Variants in MEIS1 observed in about 807,000 individuals in gnomAD.
MEIS1 encodes the protein Meis homeobox 1, also known as homeobox protein Meis1.
MEIS1 carries 5 observed loss-of-function variants against 50.8 expected under a neutral mutation model. The ratio of observed to expected loss-of-function variants is 0.10; its 90% CI spans 0.05 to 0.21. MEIS1 has a LOEUF of 0.21. Among genes scored for constraint, MEIS1 ranks in the 10% least tolerant of loss-of-function variants. MEIS1 has a pLI of 1.00. For missense variants in MEIS1, 318 were observed against 517.3 expected, an observed-to-expected ratio of 0.61 and a Z score of 3.74; for synonymous variants, 176 against 179.3, an observed-to-expected ratio of 0.98 and a Z score of 0.15.
chr2:66,480,329 T>G (rs1404775113), intron 7 of MEIS1, among the ~76,000 whole-genome samples: 1 of 152,222 alleles, frequency 6.6e-6, no homozygotes, highest in African/African-American at 2.4e-5. Context: ...TGTGGTCTAC[T>G]AACAGCTGTG....
intron 8 of MEIS1, among the ~76,000 whole-genome samples, chr2:66,547,238 A>C (rs1674813363): frequency 6.6e-6 from 1 of 152,204 alleles, no homozygotes; most frequent in Non-Finnish European, 1.5e-5. Context: ...TTTATTATCT[A>C]ATCCTGTAAT....
chr2:66,446,446 G>A (rs1022061413), intron 6 of MEIS1, among the ~76,000 whole-genome samples: 3 of 152,102 alleles, frequency 2.0e-5, no homozygotes, highest in Admixed American at 6.5e-5. Flanking sequence ...GCCTCCCGGG[G>A]TGGCCACGCC....
intron 9 of MEIS1, among the ~76,000 whole-genome samples, chr2:66,564,818 C>A (rs565966830): frequency 7.9e-5 from 12 of 151,624 alleles, no homozygotes; most frequent in Admixed American, 2.0e-4. Flanking sequence ...GGTGTGCTGC[C>A]CCCATTAACT....
chr2:66,499,850 A>T (rs945477571), intron 7 of MEIS1, among the ~76,000 whole-genome samples: 3 of 152,100 alleles, frequency 2.0e-5, no homozygotes, highest in Admixed American at 1.3e-4. Flanking sequence ...TCTATACATA[A>T]CTCTCTCATA....
intron 7 of MEIS1, among the ~76,000 whole-genome samples, chr2:66,500,213 G>A (rs941494415): frequency 6.6e-6 from 1 of 152,036 alleles, no homozygotes; most frequent in Middle Eastern, 3.2e-3. Flanking sequence ...TAATCTATTG[G>A]TTCTTAAGCT....
At chr2:66,437,153 A>G (rs1363226875) in intron 1 of MEIS1, among the ~76,000 whole-genome samples, 2 of 152,200 alleles carry the variant, frequency 1.3e-5, no homozygotes, top group Non-Finnish European at 2.9e-5. Context: ...TGTATAATTT[A>G]GCAGAGTTTG....
chr2:66,450,634 G>A (rs1281532609), intron 6 of MEIS1, among the ~76,000 whole-genome samples: 1 of 151,932 alleles, frequency 6.6e-6, no homozygotes, highest in Non-Finnish European at 1.5e-5. Context: ...ATTTTACAAT[G>A]GACTTAAATA....
rs571476661 is a variant in MEIS1 at position 66,476,979 on chromosome 2, TGAG to T, written c.742+12760_742+12762del. Reference sequence around the variant, plus strand: ...TGGGGACTTTGTGTGTGCTTCAGCATGAGTAGAGAGTGGGTGTGAGAGAGGAAG... The same window carrying T: ...TGGGGACTTTGTGTGTGCTTCAGCATTAGAGAGTGGGTGTGAGAGAGGAAG... On this transcript the variant is annotated intron_variant, in intron 7 of 12. Transcript: ENST00000272369. Among the ~76,000 whole-genome samples the T allele has an allele frequency of 4.8e-3, 722 of 151,950 alleles. 7 individuals are homozygous for T. Among genetic ancestry groups the T allele is most frequent in the Admixed American group, 0.01 (155 of 15,262 alleles).
intron 6 of MEIS1, chr2:66,461,730 C>T (rs1473340911): frequency 2.9e-6 from 1 of 341,830 alleles, no homozygotes; most frequent in East Asian, 9.0e-5. Context: ...GTGGCGATAG[C>T]TGTGAGAAAA....
At chr2:66,532,204 A>C (rs959604581) in intron 8 of MEIS1, among the ~76,000 whole-genome samples, 1 of 152,096 alleles carries the variant, frequency 6.6e-6, no homozygotes. Flanking sequence ...GCTGTGATTT[A>C]TTTTTTCGAT....
At chr2:66,453,420 T>C (rs1672318445) in intron 6 of MEIS1, among the ~76,000 whole-genome samples, 1 of 152,008 alleles carries the variant, frequency 6.6e-6, no homozygotes, top group Non-Finnish European at 1.5e-5. Flanking sequence ...CACAGTTGCT[T>C]TGGCTGATCT....
chr2:66,437,690 G>C (rs1263901630), intron 1 of MEIS1, 47 bp from the exon 2 acceptor site: 1 of 1,579,104 alleles, frequency 6.3e-7, no homozygotes, highest in Admixed American at 1.7e-5. Flanking sequence ...TCTCCCATTT[G>C]CCCGCCTGGC....
intron 6 of MEIS1, among the ~76,000 whole-genome samples, chr2:66,459,088 T>C (rs1429870456): frequency 6.6e-6 from 1 of 152,086 alleles, no homozygotes; most frequent in Admixed American, 6.5e-5. Flanking sequence ...TGGTCTGAGC[T>C]CTCAGAGCAG....
chr2:66,463,568 C>CT (rs1672568908), intron 6 of MEIS1, among the ~76,000 whole-genome samples: 1 of 152,142 alleles, frequency 6.6e-6, no homozygotes, highest in African/African-American at 2.4e-5. Context: ...ATTCTCATTC[C>CT]TTTTTTGTGC....
At chr2:66,456,637 A>C (rs1032515156) in intron 6 of MEIS1, among the ~76,000 whole-genome samples, 1 of 152,244 alleles carries the variant, frequency 6.6e-6, no homozygotes, top group Non-Finnish European at 1.5e-5. Flanking sequence ...CAGCATTAAA[A>C]AAGGGTTCAA....
chr2:66,449,248 G>T (rs1346628137), intron 6 of MEIS1, among the ~76,000 whole-genome samples: 1 of 152,056 alleles, frequency 6.6e-6, no homozygotes, highest in Non-Finnish European at 1.5e-5. Context: ...GGAAATATCA[G>T]AATGTAATAC....
chr2:66,447,016 A>C lies in MEIS1; in HGVS notation c.630+3968A>C, dbSNP rs144579401. Among the ~76,000 whole-genome samples the C allele has an allele frequency of 5.8e-3, 881 of 152,328 alleles. 7 individuals carry two copies. The highest frequency in any genetic ancestry group is 0.02 in the Middle Eastern group (6 of 294). ...ACGCCCTCCTCCGAAGAAGCGGGGG[A>C]AATTCTTGCAAGGGAGATTTAAGCT... On this transcript the variant is annotated intron_variant, in intron 6 of 12. Transcript: ENST00000272369.
chr2:66,473,937 T>G (rs566877024), intron 7 of MEIS1, among the ~76,000 whole-genome samples: 9 of 152,202 alleles, frequency 5.9e-5, no homozygotes, highest in Non-Finnish European at 1.2e-4. Flanking sequence ...GCATATAACC[T>G]ATGCACATCC....
intron 9 of MEIS1, among the ~76,000 whole-genome samples, chr2:66,549,779 T>A (rs1240133522): frequency 1.3e-5 from 2 of 152,106 alleles, no homozygotes; most frequent in African/African-American, 4.8e-5. Flanking sequence ...GAGCCATCTC[T>A]CTTCCTCTGC....
Sources: gnomAD v4.1 joint callset for allele counts (sites outside exome capture counted in the v4.1 genomes callset) on GRCh38, gnomAD v4.1.1 for gene constraint, MANE v1.5 for transcripts, NCBI Gene and HGNC (gene_info 2026-07-23, HGNC 2026-07-21) for gene names.